The following PCDHGA5 variants were observed in gnomAD, a reference collection of about 807,000 sequenced individuals.
PCDHGA5 encodes the protein protocadherin gamma subfamily A, 5, also known as protocadherin gamma-A5.
PCDHGA5 carries 36 observed loss-of-function variants against 56.7 expected under a neutral mutation model. That is an observed-to-expected ratio of 0.64 (90% CI 0.49 to 0.84). PCDHGA5 has a LOEUF of 0.84. Among genes scored for constraint, PCDHGA5 ranks in the 40% least tolerant of loss-of-function variants. The pLI is 0.00. For synonymous variants in PCDHGA5, 563 were observed against 520.2 expected, an observed-to-expected ratio of 1.08 and a Z score of -1.12; for missense variants, 1,305 against 1,201.5, an observed-to-expected ratio of 1.09 and a Z score of -1.27.
intron 1 of PCDHGA5, among the ~76,000 whole-genome samples, chr5:141,438,497 T>C (rs1274742357): frequency 6.7e-6 from 1 of 149,116 alleles, no homozygotes; most frequent in African/African-American, 2.5e-5. Flanking sequence ...GAAAAAAGAA[T>C]CATAGTGCAA....
At chr5:141,506,923 C>T (rs1414595306) in intron 3 of PCDHGA5, among the ~76,000 whole-genome samples, 4 of 152,184 alleles carry the variant, frequency 2.6e-5, no homozygotes, top group African/African-American at 9.7e-5. Context: ...ACATACTAAA[C>T]AAACTTTAGG....
At position 141,366,741 on chromosome 5, in the gene PCDHGA5, G is replaced by C. The variant is rs772947820; in HGVS notation, c.2411G>C (p.Arg804Pro). 6.2e-7 allele frequency: 1 copy of C among 1,611,828 alleles called. No homozygotes were observed. Among genetic ancestry groups the C allele is most frequent in the Non-Finnish European group, 8.5e-7 (1 of 1,178,338 alleles). The part of the protein sequence containing the change: ...SDKVDANKEE[R>P]RVQQAPPNTD... ...AAGGTAGATGCAAACAAAGAAGAAC[G>C]GCGAGTTCAGGTTAGTTTTCTCTTT... Residue 804 changes from arginine (R) to proline (P), a missense_variant, in exon 1 of 4, where the codon CGG (arginine) becomes CCG (proline). Transcript: ENST00000518069.
At chr5:141,374,137 G>T (rs1479377011) in intron 1 of PCDHGA5, 11 of 1,606,212 alleles carry the variant, frequency 6.8e-6, no homozygotes, top group African/African-American at 1.3e-5. Flanking sequence ...TGCTCCTCAC[G>T]CTCCTGGGGA....
At chr5:141,454,875 T>G (rs2098805612) in intron 1 of PCDHGA5, among the ~76,000 whole-genome samples, 1 of 144,402 alleles carries the variant, frequency 6.9e-6, no homozygotes, top group African/African-American at 2.6e-5. Context: ...TGGCACGATC[T>G]TGGCTCACTG....
chr5:141,372,168 G>T, intron 1 of PCDHGA5: 1 of 1,613,754 alleles, frequency 6.2e-7, no homozygotes. Flanking sequence ...GACCAAGGTG[G>T]TGGCGGTGGA....
intron 1 of PCDHGA5, chr5:141,404,452 T>G (rs1197188094): frequency 2.5e-6 from 4 of 1,613,228 alleles, no homozygotes; most frequent in Non-Finnish European, 3.4e-6. Context: ...AAGGGTCTCC[T>G]CTCTCCACCT....
At chr5:141,375,282 A>G (rs564045445) in intron 1 of PCDHGA5, 6 of 1,613,866 alleles carry the variant, frequency 3.7e-6, no homozygotes, top group Middle Eastern at 1.6e-4. Flanking sequence ...TCAGTTGGCA[A>G]TTATTATCGA....
chr5:141,438,581 TAC>T (rs2097976954), intron 1 of PCDHGA5, among the ~76,000 whole-genome samples: 6 of 49,834 alleles, frequency 1.2e-4, no homozygotes, highest in African/African-American at 7.2e-4. Flanking sequence ...TATACATACA[TAC>T]ATACATACAT....
At chr5:141,421,489 G>T (rs754141447) in intron 1 of PCDHGA5, 9 of 1,614,094 alleles carry the variant, frequency 5.6e-6, no homozygotes, top group Non-Finnish European at 7.6e-6. Context: ...CTTGATCACG[G>T]CAGGCAGGAT....
At chr5:141,405,029 C>A (rs565871444) in intron 1 of PCDHGA5, 1 of 1,613,976 alleles carries the variant, frequency 6.2e-7, no homozygotes, top group South Asian at 1.1e-5. Context: ...TACCCTCTAC[C>A]TCGTTGTGGC....
At chr5:141,478,306 G>A (rs1316502939) in intron 1 of PCDHGA5, 2 of 1,614,056 alleles carry the variant, frequency 1.2e-6, no homozygotes, top group South Asian at 2.2e-5. Flanking sequence ...ACCGAGCCCC[G>A]GTGAGCTCAC....
rs752708726 is a variant in PCDHGA5 at position 141,413,991 on chromosome 5, C to T, written c.2421+47240C>T. 1.9e-6 allele frequency: 3 copies of T among 1,613,494 alleles called. No homozygotes were observed. The East Asian group carries it at 6.7e-5, about 36-fold the overall frequency. ...AGCTGCTGACAGTCACAGCCACCGA[C>T]AGGGACGAAGGTGCCAATGGAGAAG... On this transcript the variant is annotated intron_variant, in intron 1 of 3. Coordinates refer to ENST00000518069, the MANE Select transcript of PCDHGA5 (RefSeq NM_018918.3).
At chr5:141,375,529 C>G (rs370346410) in intron 1 of PCDHGA5, 1 of 1,614,026 alleles carries the variant, frequency 6.2e-7, no homozygotes, top group African/African-American at 1.3e-5. Context: ...CTGACGTGGA[C>G]CAGAACGCCC....
intron 1 of PCDHGA5, chr5:141,440,479 T>C (rs949675242): frequency 6.6e-6 from 1 of 152,172 alleles, no homozygotes; most frequent in African/African-American, 2.4e-5. Context: ...TTGAAAATTC[T>C]TTAAATGTTT....
rs1384790784 is a variant in PCDHGA5, at chr5:141,431,800, G to T, written c.2422-63007G>T. 1 of 1,614,206 alleles carries T rather than the reference G, an allele frequency of 6.2e-7. No individual in the cohort carries two copies. Among genetic ancestry groups the T allele is most frequent in the African/African-American group, 1.3e-5 (1 of 75,054 alleles). ...ACGTGAACGACAATGCCCCAGAAGT[G>T]GTCCTCACCTCTCTCGCCAGCTCGG... On this transcript the variant is annotated intron_variant, in intron 1 of 3. Transcript: ENST00000518069. This position sits in a 1 kb window ranked among gnomAD's most constrained non-coding sequence, Gnocchi z 4.8.
chr5:141,400,611 G>T (rs555600694), intron 1 of PCDHGA5: 1 of 1,573,002 alleles, frequency 6.4e-7, no homozygotes, highest in South Asian at 1.1e-5. Context: ...CAAGTCCAAT[G>T]AGTTGTCTTA....
chr5:141,486,444 T>G lies in PCDHGA5; in HGVS notation c.2422-8363T>G. 1 of 1,614,086 alleles carries G rather than the reference T, an allele frequency of 6.2e-7. No homozygotes were observed. Among genetic ancestry groups the G allele is most frequent in the Non-Finnish European group, 8.5e-7 (1 of 1,179,930 alleles). ...GAGGCCAAATCTAGCTATGACATCA[T>G]GGTCACTGCTTCTGATGCTGGGAAC... On this transcript the variant is annotated intron_variant, in intron 1 of 3. Coordinates refer to ENST00000518069, the MANE Select transcript of PCDHGA5 (RefSeq NM_018918.3). The surrounding 1 kb of genome is among the most constrained non-coding windows in gnomAD (Gnocchi z 5.0).
intron 1 of PCDHGA5, chr5:141,404,640 T>C (rs368593595): frequency 1.6e-5 from 26 of 1,614,092 alleles, no homozygotes; most frequent in East Asian, 2.2e-5. Context: ...CCAGAAATCC[T>C]GTACCCTGCC....
Position 141,489,092 on chromosome 5 carries a change from A to AATT in PCDHGA5, c.2422-5714_2422-5713insTTA. 2.9e-6 allele frequency: 1 copy of AATT among 348,332 alleles called. No individual in the cohort carries two copies. Among genetic ancestry groups the AATT allele is most frequent in the Non-Finnish European group, 4.7e-6 (1 of 214,538 alleles). 21.6% of individuals were successfully genotyped at this position (348,332 alleles called of 1,614,324 possible). A position where few individuals can be genotyped will look rare whatever the true frequency, so the allele number is the denominator to read the frequency against. On this transcript the variant is annotated intron_variant, in intron 1 of 3. Transcript: ENST00000518069. This position sits in a 1 kb window ranked among gnomAD's most constrained non-coding sequence, Gnocchi z 4.5. Reference sequence around the variant, plus strand: ...TGCCCACCCCCGCCACTCGGTGACTAAGAACTGCTGCAAGCAGGCAAACCT... The same window carrying AATT: ...TGCCCACCCCCGCCACTCGGTGACTAATTAGAACTGCTGCAAGCAGGCAAACCT...
Sources: gnomAD v4.1 joint callset for allele counts (sites outside exome capture counted in the v4.1 genomes callset) on GRCh38, gnomAD v4.1.1 for gene constraint, Gnocchi (gnomAD v3.1) non-coding constraint, MANE v1.5 for transcripts, NCBI Gene and HGNC (gene_info 2026-07-23, HGNC 2026-07-21) for gene names.